Variants in MMP16 observed in about 807,000 individuals in gnomAD.
MMP16 encodes matrix metallopeptidase 16.
A neutral mutation model predicts 67.8 loss-of-function variants in MMP16; 12 were observed. The ratio of observed to expected loss-of-function variants is 0.18; its 90% confidence interval spans 0.11 to 0.29. The LOEUF (loss-of-function observed/expected upper bound fraction) is 0.29, where lower values mean the gene tolerates loss of function less well. MMP16 is among the 10% of genes least tolerant of loss of function. The pLI, the probability that MMP16 is intolerant of heterozygous loss-of-function variation, is 1.00. For missense variants in MMP16, 475 were observed against 765.7 expected (o/e 0.62, Z 4.48); for synonymous variants, 249 against 255.9 (o/e 0.97, Z 0.26).
chr8:88,101,473 T>C (rs1235322395), intron 6 of MMP16, among the ~76,000 whole-genome samples: 1 of 151,770 alleles, frequency 6.6e-6, no homozygotes, highest in Non-Finnish European at 1.5e-5. Context: ...AATAAGGAGG[T>C]TTATGTGTCA....
intron 8 of MMP16, among the ~76,000 whole-genome samples, chr8:88,050,691 T>G (rs1467382890): frequency 6.6e-6 from 1 of 152,242 alleles, no homozygotes; most frequent in Admixed American, 6.5e-5. Flanking sequence ...TGTGTTTGAA[T>G]GTGGTAGAAT....
chr8:88,295,059 G>C (rs1810991638), intron 1 of MMP16, among the ~76,000 whole-genome samples: 1 of 152,106 alleles, frequency 6.6e-6, no homozygotes, highest in African/African-American at 2.4e-5. Context: ...ATCCACTTTA[G>C]GCTTAACTCC....
At chr8:88,233,089 A>G (rs764380399) in intron 1 of MMP16, among the ~76,000 whole-genome samples, 15 of 152,206 alleles carry the variant, frequency 9.9e-5, no homozygotes, top group Non-Finnish European at 1.9e-4. Context: ...ACATAGGGAT[A>G]ATAATCTACC....
intron 4 of MMP16, among the ~76,000 whole-genome samples, chr8:88,136,649 T>A (rs949306335): frequency 6.6e-6 from 1 of 151,436 alleles, no homozygotes; most frequent in Non-Finnish European, 1.5e-5. Context: ...ATTAATTATA[T>A]ATTAAATGAA....
intron 3 of MMP16, among the ~76,000 whole-genome samples, chr8:88,178,466 T>C (rs910101021): frequency 6.6e-6 from 1 of 152,154 alleles, no homozygotes; most frequent in African/African-American, 2.4e-5. Context: ...GATATGTCAA[T>C]AGAAACATCC....
At position 88,234,614 on chromosome 8, in the gene MMP16, G is replaced by A. The variant is rs145197458; in HGVS notation, c.133-37308C>T. On this transcript the variant is annotated intron_variant, in intron 1 of 9. Transcript: ENST00000286614. ...GCAGCAGATCTTTTGTTTCTTTCAAGAGATATTAGGACAAATAGAGCAAAC... is the reference window on the plus strand; with the variant it reads ...GCAGCAGATCTTTTGTTTCTTTCAAAAGATATTAGGACAAATAGAGCAAAC... Among the ~76,000 whole-genome samples, 76 of 152,224 alleles carry A rather than the reference G, an allele frequency of 5.0e-4. 1 individual carries two copies. Among genetic ancestry groups the A allele is most frequent in the African/African-American group, 1.4e-3 (59 of 41,534 alleles).
chr8:88,050,995 T>A (rs1268435692), intron 8 of MMP16, among the ~76,000 whole-genome samples: 3 of 152,202 alleles, frequency 2.0e-5, no homozygotes, highest in Admixed American at 2.0e-4. Flanking sequence ...CATTTTTCCC[T>A]CTCCTAGCAG....
At position 88,262,696 on chromosome 8, in the gene MMP16, G is replaced by A. The variant is rs573376448; in HGVS notation, c.132+64379C>T. Among the ~76,000 whole-genome samples the A allele has an allele frequency of 7.2e-5, 11 of 151,920 alleles. No individual in the cohort carries two copies. In the East Asian group the frequency reaches 1.9e-3, roughly 27 times the overall value. On this transcript the variant is annotated intron_variant, in intron 1 of 9. Coordinates refer to ENST00000286614, the MANE Select transcript of MMP16 (RefSeq NM_005941.5). ...TCTTTTCAAGTAATTGGCAATTTTG[G>A]AGTAAGTTAAAGTTTTTGAATTCAG...
At chr8:88,227,973 T>C (rs1372760006) in intron 1 of MMP16, among the ~76,000 whole-genome samples, 1 of 152,058 alleles carries the variant, frequency 6.6e-6, no homozygotes. Context: ...ATTTAGGAAT[T>C]GGCAATGACT....
At chr8:88,308,121 G>T (rs370636021) in intron 1 of MMP16, among the ~76,000 whole-genome samples, 1 of 151,976 alleles carries the variant, frequency 6.6e-6, no homozygotes, top group Non-Finnish European at 1.5e-5. Flanking sequence ...AGCATTTAAA[G>T]CATTGAAAAC....
At chr8:88,063,509 A>G (rs181366888) in intron 7 of MMP16, among the ~76,000 whole-genome samples, 67 of 150,474 alleles carry the variant, frequency 4.5e-4, no homozygotes, top group African/African-American at 1.6e-3. Context: ...CAGAAGGACA[A>G]TGCTTACTCT....
chr8:88,105,151 CT>C (rs11300654), intron 6 of MMP16, among the ~76,000 whole-genome samples: 136,020 of 143,238 alleles, frequency 0.95, 64,612 homozygotes, highest in Middle Eastern at 0.98. Context: ...TTTATCTCAT[CT>C]TTTTTTTTTT....
chr8:88,297,477 T>A (rs1811030753), intron 1 of MMP16, among the ~76,000 whole-genome samples: 1 of 152,012 alleles, frequency 6.6e-6, no homozygotes, highest in African/African-American at 2.4e-5. Context: ...TATGGCCCGC[T>A]CCAAAAATAA....
rs760714827 is a variant in MMP16 at position 88,327,115 on chromosome 8, C to T, written c.92G>A (p.Cys31Tyr). The change falls in exon 1 of 10, where the codon TGT becomes TAT. Residue 31 changes from cysteine (C) to tyrosine (Y), a missense_variant. Physicochemically the swap from Cys to Tyr is radical, Grantham distance 194. Transcript: ENST00000286614. ...CTGCTCCGTTCCGCAGACTGTAGCA[C>T]ATAAAATCCAAAGCAAGGTTTGCAA... The part of the protein sequence containing the change: ...FFLQTLLWIL[C>Y]ATVCGTEQYF... The T allele has an allele frequency of 8.1e-6, 13 of 1,613,932 alleles. No homozygotes were observed. The East Asian group carries it at 1.3e-4, about 17-fold the overall frequency.
rs1053861870 is a variant in MMP16 at position 88,051,591 on chromosome 8, T to C, written c.1373+4537A>G. ...CAACAGAATAGAAAATATCAATATA[T>C]CAGTTTTTGCTGTATTTTTGAACGA... is the stretch of plus-strand genomic sequence containing the variant. On this transcript the variant is annotated intron_variant, in intron 8 of 9. Coordinates refer to ENST00000286614, the MANE Select transcript of MMP16 (RefSeq NM_005941.5). Among the ~76,000 whole-genome samples the C allele has an allele frequency of 8.5e-5, 13 of 152,286 alleles. No homozygotes were observed. The East Asian group carries it at 2.5e-3, about 29-fold the overall frequency.
chr8:88,294,287 CAT>C (rs150977263), intron 1 of MMP16, among the ~76,000 whole-genome samples: 73 of 143,142 alleles, frequency 5.1e-4, no homozygotes, highest in African/African-American at 1.7e-3. Context: ...TACACACACA[CAT>C]ATATGTATAT....
intron 1 of MMP16, among the ~76,000 whole-genome samples, chr8:88,317,808 T>C (rs1023941660): frequency 6.6e-6 from 1 of 152,050 alleles, no homozygotes; most frequent in African/African-American, 2.4e-5. Context: ...CATCTATTGG[T>C]CAACCACCAT....
intron 1 of MMP16, among the ~76,000 whole-genome samples, chr8:88,267,809 T>C (rs1444767733): frequency 1.3e-5 from 2 of 152,142 alleles, no homozygotes; most frequent in African/African-American, 4.8e-5. Flanking sequence ...GTTGAGAATA[T>C]AGAAATTAGG....
chr8:88,323,430 A>G (rs568305938), intron 1 of MMP16, among the ~76,000 whole-genome samples: 32 of 152,284 alleles, frequency 2.1e-4, no homozygotes, highest in Admixed American at 4.6e-4. Context: ...GTTATACTCA[A>G]TTCATATTTG....
Sources: gnomAD v4.1 joint callset for allele counts (sites outside exome capture counted in the v4.1 genomes callset) on GRCh38, gnomAD v4.1.1 for gene constraint, MANE v1.5 for transcripts, NCBI Gene and HGNC (gene_info 2026-07-23, HGNC 2026-07-21) for gene names.